Variants in PTPRG observed in about 807,000 individuals in gnomAD.
PTPRG encodes protein tyrosine phosphatase receptor type G.
In PTPRG, 102 loss-of-function variants were observed where a neutral mutation model predicts 165.3. That is an observed-to-expected ratio of 0.62 (90% CI 0.53 to 0.73). The LOEUF (loss-of-function observed/expected upper bound fraction) is 0.73. PTPRG is among the 30% of genes least tolerant of loss of function. The pLI is 0.00. For synonymous variants in PTPRG, 675 were observed against 669.5 expected (o/e 1.01, Z -0.13); for missense variants, 1,866 against 1,861.4 (o/e 1.00, Z -0.05).
At chr3:62,093,663 A>G (rs1702017750) in intron 5 of PTPRG, among the ~76,000 whole-genome samples, 1 of 152,238 alleles carries the variant, frequency 6.6e-6, no homozygotes, top group Non-Finnish European at 1.5e-5. Flanking sequence ...CAACTCAGGT[A>G]CAAGGGATTA....
intron 4 of PTPRG, among the ~76,000 whole-genome samples, chr3:62,012,735 T>C (rs2041458488): frequency 1.3e-5 from 2 of 152,172 alleles, no homozygotes; most frequent in Admixed American, 6.5e-5. Flanking sequence ...TTTTCAAGCA[T>C]TGAAAAGATT....
intron 7 of PTPRG, among the ~76,000 whole-genome samples, chr3:62,164,385 C>T (rs965474140): frequency 1.1e-4 from 16 of 152,146 alleles, no homozygotes; most frequent in Non-Finnish European, 2.4e-4. Context: ...GTTTTTAACT[C>T]ACTGGCCAAG....
rs780892885 is a variant in PTPRG, at chr3:61,799,887, G to A, written c.190+50905G>A. Reference sequence around the variant, plus strand: ...AAGTGTATTTATTTTATTGTTCAAGGGGTTGAATTCTGAATTTGGAAGATG... The same window carrying A: ...AAGTGTATTTATTTTATTGTTCAAGAGGTTGAATTCTGAATTTGGAAGATG... On this transcript the variant is annotated intron_variant, in intron 2 of 29. Coordinates refer to ENST00000474889, the MANE Select transcript of PTPRG (RefSeq NM_002841.4). Among the ~76,000 whole-genome samples the A allele has an allele frequency of 3.9e-4, 59 of 152,134 alleles. 1 individual carries two copies. The highest frequency in any genetic ancestry group is 4.6e-4 in the Non-Finnish European group (31 of 68,026).
At chr3:62,052,778 C>G (rs1189757881) in intron 4 of PTPRG, among the ~76,000 whole-genome samples, 2 of 152,116 alleles carry the variant, frequency 1.3e-5, no homozygotes, top group African/African-American at 4.8e-5. Flanking sequence ...CTTTCATTTC[C>G]TTGTTACTTG....
chr3:62,271,939 TAAAA>T lies in PTPRG; in HGVS notation c.3182+388_3182+391del, dbSNP rs992398901. 2.0e-4 allele frequency among the ~76,000 whole-genome samples: 31 copies of T among 151,568 alleles called. No homozygotes were observed. The highest frequency in any genetic ancestry group is 6.6e-5 in the Admixed American group (1 of 15,194). On this transcript the variant is annotated intron_variant, in intron 21 of 29. Coordinates refer to ENST00000474889, the MANE Select transcript of PTPRG (RefSeq NM_002841.4). The surrounding 1 kb of genome is among the most constrained non-coding windows in gnomAD (Gnocchi z 4.1). ...ACCCCATTTCTACAAAAATTAAAAA[TAAAA>T]AAATTAGCCAGCATGGTGGCACATG...
At chr3:61,829,433 C>T (rs1000637888) in intron 2 of PTPRG, among the ~76,000 whole-genome samples, 2 of 152,218 alleles carry the variant, frequency 1.3e-5, no homozygotes, top group African/African-American at 4.8e-5. Flanking sequence ...AGGCTGGGGG[C>T]CATTTATCAT....
intron 8 of PTPRG, among the ~76,000 whole-genome samples, chr3:62,170,209 G>C (rs151077115): frequency 2.2e-4 from 33 of 152,102 alleles, no homozygotes; most frequent in Admixed American, 5.9e-4. Context: ...TTGGGCTGCC[G>C]TGGAAAACCT....
At chr3:61,775,103 C>T (rs1472308047) in intron 2 of PTPRG, among the ~76,000 whole-genome samples, 3 of 152,120 alleles carry the variant, frequency 2.0e-5, no homozygotes, top group Non-Finnish European at 4.4e-5. Flanking sequence ...CAGAGTCTTA[C>T]TCTGTCTCCC....
At position 62,273,121 on chromosome 3, in the gene PTPRG, A is replaced by C; in HGVS notation, c.3318+40A>C. Reference sequence around the variant, plus strand: ...CCAGCGTCCTCACGACATTCTGGCAAATGCTGTAACTGAAATTTGTTAAAT... The same window carrying C: ...CCAGCGTCCTCACGACATTCTGGCACATGCTGTAACTGAAATTTGTTAAAT... On this transcript the variant is annotated intron_variant, in intron 22 of 29. Transcript: ENST00000474889. The surrounding 1 kb of genome is among the most constrained non-coding windows in gnomAD (Gnocchi z 4.1). 6.4e-7 allele frequency: 1 copy of C among 1,562,018 alleles called. No individual in the cohort carries two copies. Among genetic ancestry groups the C allele is most frequent in the South Asian group, 1.2e-5 (1 of 82,068 alleles).
In PTPRG at chr3:61,840,549, G is replaced by A. The variant is rs541182660; in HGVS notation, c.190+91567G>A. Among the ~76,000 whole-genome samples, 12 of 152,214 alleles carry A rather than the reference G, an allele frequency of 7.9e-5. No individual in the cohort carries two copies. In the South Asian group the frequency reaches 2.5e-3, roughly 32 times the overall value. On this transcript the variant is annotated intron_variant, in intron 2 of 29. Transcript: ENST00000474889. ...TACAAATGATGTCAGTGTGAATTGT[G>A]TAATGATTTCTTGCTTTGGTCATAC...
At chr3:61,884,025 T>C (rs2037962807) in intron 2 of PTPRG, among the ~76,000 whole-genome samples, 1 of 152,218 alleles carries the variant, frequency 6.6e-6, no homozygotes, top group South Asian at 2.1e-4. Flanking sequence ...ATGCTTGTTT[T>C]CTTTGCTTAC....
intron 2 of PTPRG, among the ~76,000 whole-genome samples, chr3:61,819,835 A>T (rs2107249930): frequency 6.6e-6 from 1 of 152,296 alleles, no homozygotes; most frequent in East Asian, 1.9e-4. Flanking sequence ...ATTAAGGAAT[A>T]CCTTGATTTA....
chr3:62,197,787 A>G (rs1022350365), intron 10 of PTPRG, among the ~76,000 whole-genome samples: 3 of 152,236 alleles, frequency 2.0e-5, no homozygotes, highest in Non-Finnish European at 4.4e-5. Flanking sequence ...ATATAATGTA[A>G]TTCAAAAAGG....
At chr3:61,634,678 G>A (rs1701859029) in intron 1 of PTPRG, among the ~76,000 whole-genome samples, 1 of 152,194 alleles carries the variant, frequency 6.6e-6, no homozygotes, top group African/African-American at 2.4e-5. Flanking sequence ...CCACTCAGCA[G>A]AGGTTTGAAA....
intron 2 of PTPRG, among the ~76,000 whole-genome samples, chr3:61,827,622 A>G (rs934975314): frequency 2.0e-5 from 3 of 152,124 alleles, no homozygotes; most frequent in African/African-American, 4.8e-5. Flanking sequence ...CCATGTGTCT[A>G]TCTATATTTT....
At chr3:61,911,662 G>A (rs981503737) in intron 2 of PTPRG, among the ~76,000 whole-genome samples, 1 of 152,094 alleles carries the variant, frequency 6.6e-6, no homozygotes, top group East Asian at 1.9e-4. Flanking sequence ...CCATTTTGAA[G>A]CATTGTTTTC....
intron 2 of PTPRG, among the ~76,000 whole-genome samples, chr3:61,842,542 A>C (rs760279520): frequency 6.6e-6 from 1 of 152,118 alleles, no homozygotes; most frequent in Admixed American, 6.5e-5. Context: ...AATCAACCCA[A>C]CTTACATTTA....
At chr3:61,716,424 A>C (rs915912662) in intron 1 of PTPRG, among the ~76,000 whole-genome samples, 1 of 152,216 alleles carries the variant, frequency 6.6e-6, no homozygotes, top group African/African-American at 2.4e-5. Flanking sequence ...CTGTGGGATA[A>C]CAATCTGTTT....
chr3:62,093,000 T>C (rs952233570), intron 5 of PTPRG, among the ~76,000 whole-genome samples: 1 of 152,192 alleles, frequency 6.6e-6, no homozygotes, highest in African/African-American at 2.4e-5. Context: ...AAAACAACTT[T>C]CCTCAATCAT....
Sources: gnomAD v4.1 joint callset for allele counts (sites outside exome capture counted in the v4.1 genomes callset) on GRCh38, gnomAD v4.1.1 for gene constraint, Gnocchi (gnomAD v3.1) non-coding constraint, MANE v1.5 for transcripts, NCBI Gene and HGNC (gene_info 2026-07-23, HGNC 2026-07-21) for gene names.